The following DNMT3A variants were observed in gnomAD, a reference collection of about 807,000 sequenced individuals.
DNMT3A encodes DNA methyltransferase 3 alpha, also known as DNA (cytosine-5)-methyltransferase 3A.
Under a neutral mutation model 117.6 loss-of-function variants are expected in DNMT3A, and 267 were observed. That is an observed-to-expected ratio of 2.27 (90% CI 2.05 to 2.51). The LOEUF is 2.51. Ranked by LOEUF, DNMT3A falls within the 30% of genes most tolerant of loss-of-function variation. The pLI is 0.00. For missense variants in DNMT3A, 1,029 were observed against 1,260.2 expected, an observed-to-expected ratio of 0.82 and a Z score of 2.78; for synonymous variants, 432 against 474.8, an observed-to-expected ratio of 0.91 and a Z score of 1.17.
chr2:25,284,645 T>TA (rs56901099), intron 3 of DNMT3A, among the ~76,000 whole-genome samples: 513 of 16,626 alleles, frequency 0.031, 90 homozygotes, highest in African/African-American at 0.055. Flanking sequence ...AGACTCCATC[T>TA]AAAAAAAAAA....
chr2:25,250,958 T>C (rs1396373331), intron 6 of DNMT3A, among the ~76,000 whole-genome samples: 2 of 152,172 alleles, frequency 1.3e-5, no homozygotes, highest in Non-Finnish European at 2.9e-5. Flanking sequence ...CCTTTGTCTC[T>C]CAGCCCCTTC....
intron 6 of DNMT3A, among the ~76,000 whole-genome samples, chr2:25,258,891 G>A (rs1676378026): frequency 6.6e-6 from 1 of 152,144 alleles, no homozygotes; most frequent in Non-Finnish European, 1.5e-5. Context: ...GAGTGGTAAG[G>A]GGCTTTTTGC....
Position 25,252,281 on chromosome 2 carries a change from G to C in DNMT3A, c.640-4029C>G. On this transcript the variant is annotated intron_variant, in intron 6 of 22. Coordinates refer to ENST00000321117, the MANE Select transcript of DNMT3A (RefSeq NM_022552.5). This position sits in a 1 kb window ranked among gnomAD's most constrained non-coding sequence, Gnocchi z 5.5. The stretch of plus-strand genomic sequence containing the variant: ...CTGGAAGTAGCTGCCCGTCTTGGGG[G>C]AGGGGAAGGGGGCGATGGGGCTGGG... The C allele has an allele frequency of 7.3e-7, 1 of 1,361,426 alleles. No individual in the cohort carries two copies. The highest frequency in any genetic ancestry group is 9.9e-7 in the Non-Finnish European group (1 of 1,012,414). The allele number at this position is 1,361,426 out of a possible 1,614,324, so 84.3% of individuals were successfully genotyped here. A position where few individuals can be genotyped will look rare whatever the true frequency, so the allele number is the denominator to read the frequency against.
At chr2:25,241,030 T>C (rs571264131) in intron 17 of DNMT3A, among the ~76,000 whole-genome samples, 50 of 152,326 alleles carry the variant, frequency 3.3e-4, no homozygotes, top group Non-Finnish European at 5.6e-4. Context: ...CCTGGCATGC[T>C]GAGTGTCTTA....
rs1672765860 is a variant in DNMT3A, at chr2:25,228,771, TG to T, written c.*5507del. 1 of 152,170 alleles carries T rather than the reference TG, an allele frequency of 6.6e-6. No homozygotes were observed. The highest frequency in any genetic ancestry group is 6.5e-5 in the Admixed American group (1 of 15,278). 9.4% of individuals were successfully genotyped at this position (152,170 alleles called of 1,614,324 possible). ...GTATTCTAAGGAATTTCAGCATTTT[TG>T]TTGTCTGTTGAATTCTAGGGCTGTG... is the stretch of plus-strand genomic sequence containing the variant. On this transcript the variant is annotated 3_prime_UTR_variant, in exon 23 of 23. Coordinates refer to ENST00000321117, the MANE Select transcript of DNMT3A (RefSeq NM_022552.5).
intron 3 of DNMT3A, among the ~76,000 whole-genome samples, chr2:25,288,233 G>C (rs1378533345): frequency 6.7e-6 from 1 of 150,210 alleles, no homozygotes; most frequent in African/African-American, 2.4e-5. Flanking sequence ...AGCAGATTGA[G>C]ACCATCCTGG....
At position 25,308,092 on chromosome 2, in the gene DNMT3A, A is replaced by G. The variant is rs904478006; in HGVS notation, c.72+5821T>C. Among the ~76,000 whole-genome samples, 7 of 152,098 alleles carry G rather than the reference A, an allele frequency of 4.6e-5. No individual in the cohort carries two copies. The South Asian group carries it at 6.2e-4, about 14-fold the overall frequency. ...CTAAGCCCACACTCTGTCCCCACCC[A>G]TGGTTTCCTACTCTTCTCCCACGCC... On this transcript the variant is annotated intron_variant, in intron 2 of 22. Coordinates refer to ENST00000321117, the MANE Select transcript of DNMT3A (RefSeq NM_022552.5).
chr2:25,325,696 G>C (rs1325091073), intron 1 of DNMT3A, among the ~76,000 whole-genome samples: 1 of 152,144 alleles, frequency 6.6e-6, no homozygotes, highest in Non-Finnish European at 1.5e-5. Context: ...TGAACTGACA[G>C]TGGAAAAAAG....
rs1249582628 is a variant in DNMT3A at position 25,228,544 on chromosome 2, T to A, written c.*5735A>T. 6.6e-6 allele frequency: 1 copy of A among 152,110 alleles called. No homozygotes were observed. Among genetic ancestry groups the A allele is most frequent in the Admixed American group, 6.5e-5 (1 of 15,276 alleles). The allele number at this position is 152,110 out of a possible 1,614,324, so 9.4% of individuals were successfully genotyped here. On this transcript the variant is annotated 3_prime_UTR_variant, in exon 23 of 23. Transcript: ENST00000321117. ...ACTTCAATGCCTCAGCTAAAACACA[T>A]GAAATCGCTCATTTAGTTTTCAAGT... is the stretch of plus-strand genomic sequence containing the variant.
At chr2:25,290,817 A>C (rs2149392494) in intron 3 of DNMT3A, among the ~76,000 whole-genome samples, 1 of 148,888 alleles carries the variant, frequency 6.7e-6, no homozygotes, top group Non-Finnish European at 1.5e-5. Flanking sequence ...GGGGGTGGGT[A>C]GATGCCATTC....
chr2:25,245,300 TA>T lies in DNMT3A; in HGVS notation c.1506del (p.Thr503ProfsTer148), dbSNP rs1674616346. The T allele has an allele frequency of 6.2e-7, 1 of 1,613,604 alleles. No homozygotes were observed. Among genetic ancestry groups the T allele is most frequent in the Non-Finnish European group, 8.5e-7 (1 of 1,179,902 alleles). On this transcript the variant is annotated frameshift_variant, in exon 13 of 23. Coordinates refer to ENST00000321117, the MANE Select transcript of DNMT3A (RefSeq NM_022552.5). LOFTEE classifies it high-confidence loss of function. ...DICISCGSLN[V>X]TLEHPLFVGG... Reference sequence around the variant, plus strand: ...CCAACGAAGAGGGGGTGTTCCAGGGTAACATTGAGGCTCCCACAGGAGATGC... The same window carrying T: ...CCAACGAAGAGGGGGTGTTCCAGGGTACATTGAGGCTCCCACAGGAGATGC...
intron 1 of DNMT3A, chr2:25,328,578 C>A: frequency 2.1e-6 from 1 of 466,532 alleles, no homozygotes; most frequent in Non-Finnish European, 4.5e-6. Flanking sequence ...TATCTTGCTG[C>A]CCGTCCCCCC....
intron 1 of DNMT3A, among the ~76,000 whole-genome samples, chr2:25,340,871 G>T (rs1194861754): frequency 7.5e-6 from 1 of 134,158 alleles, no homozygotes; most frequent in East Asian, 2.5e-4. Flanking sequence ...CCCGGGCCCG[G>T]GCCCGGGATC....
chr2:25,277,124 C>T (rs1050505945), intron 4 of DNMT3A, among the ~76,000 whole-genome samples: 1 of 152,118 alleles, frequency 6.6e-6, no homozygotes, highest in African/African-American at 2.4e-5. Flanking sequence ...GCCGCGTGGG[C>T]GGGGACGGGG....
chr2:25,335,169 G>C (rs1463418776), intron 1 of DNMT3A, among the ~76,000 whole-genome samples: 1 of 152,142 alleles, frequency 6.6e-6, no homozygotes, highest in Non-Finnish European at 1.5e-5. Flanking sequence ...CTACTGCATG[G>C]GGATCTAACA....
At chr2:25,314,765 C>A in intron 1 of DNMT3A, 1 of 948,374 alleles carries the variant, frequency 1.1e-6, no homozygotes, top group Non-Finnish European at 1.3e-6. Context: ...AGGCCACAGG[C>A]CACGGCCACA....
At chr2:25,245,157 G>T in intron 13 of DNMT3A, 96 bp downstream of exon 13, 2 of 1,193,198 alleles carry the variant, frequency 1.7e-6, no homozygotes, top group Non-Finnish European at 2.4e-6. Context: ...CACACCGGGT[G>T]TCACCCTGTA....
chr2:25,323,152 T>C (rs538569830), intron 1 of DNMT3A, among the ~76,000 whole-genome samples: 302 of 152,250 alleles, frequency 2.0e-3, no homozygotes, highest in African/African-American at 7.0e-3. Context: ...CCCTGGAACC[T>C]TTTTATCGAT....
At position 25,339,257 on chromosome 2, in the gene DNMT3A, C is replaced by A. The variant is rs999570786; in HGVS notation, c.-178+2569G>T. 6.6e-6 allele frequency among the ~76,000 whole-genome samples: 1 copy of A among 152,136 alleles called. No homozygotes were observed. Among genetic ancestry groups the A allele is most frequent in the Non-Finnish European group, 1.5e-5 (1 of 68,026 alleles). ...AATGGACCTTCCGGCTCTAGTCCAACCCCCACCCCACAGAGGAATCCTGTC... is the reference window on the plus strand; with the variant it reads ...AATGGACCTTCCGGCTCTAGTCCAAACCCCACCCCACAGAGGAATCCTGTC... On this transcript the variant is annotated intron_variant, in intron 1 of 22. Transcript: ENST00000321117. This position sits in a 1 kb window ranked among gnomAD's most constrained non-coding sequence, Gnocchi z 4.9.
Sources: allele counts gnomAD v4.1 joint callset (sites outside exome capture counted in the v4.1 genomes callset), GRCh38; gene constraint gnomAD v4.1.1; non-coding constraint Gnocchi (gnomAD v3.1); transcripts MANE v1.5; gene names NCBI Gene and HGNC (gene_info 2026-07-23, HGNC 2026-07-21).